UTP20: variants seen among roughly 807,000 people sequenced by gnomAD.
The protein encoded by UTP20 is small subunit processome component 20 homolog.
A neutral mutation model predicts 329.5 loss-of-function variants in UTP20; 164 were observed. The observed-to-expected ratio is 0.50, with a 90% CI of 0.44 to 0.57. The LOEUF is 0.57. Ranked by LOEUF, UTP20 falls within the 20% of genes least tolerant of loss-of-function variation. The probability of loss-of-function intolerance (pLI) is 0.00; values close to 1 mark genes in which losing one functional copy is unlikely to be tolerated. For missense variants in UTP20, 3,055 were observed against 3,284.2 expected (o/e 0.93, Z 1.71); for synonymous variants, 1,151 against 1,159.3 (o/e 0.99, Z 0.14).
intron 31 of UTP20, among the ~76,000 whole-genome samples, 190 bp downstream of exon 31, chr12:101,339,147 T>C (rs913219319): frequency 6.6e-6 from 1 of 152,082 alleles, no homozygotes; most frequent in African/African-American, 2.4e-5. Context: ...ACCCCGTCTC[T>C]ACTAAAAATA....
chr12:101,383,401 A>G, intron 59 of UTP20, 88 bp downstream of exon 59: 1 of 1,493,000 alleles, frequency 6.7e-7, no homozygotes, highest in Admixed American at 2.1e-5. Context: ...AAGTCCCTAG[A>G]AACTTTATCT....
chr12:101,340,735 T>A, intron 32 of UTP20, 125 bp downstream of exon 32: 1 of 638,846 alleles, frequency 1.6e-6, no homozygotes, highest in Non-Finnish European at 2.7e-6. Flanking sequence ...TTAAAATACT[T>A]TATATAGAAA....
At chr12:101,287,345 T>C (rs1268364988) in intron 5 of UTP20, among the ~76,000 whole-genome samples, 1 of 152,258 alleles carries the variant, frequency 6.6e-6, no homozygotes, top group Non-Finnish European at 1.5e-5. Context: ...GAAACCAATA[T>C]TATTTCATTA....
At chr12:101,320,764 T>C in intron 23 of UTP20, 88 bp from the exon 24 acceptor site, 2 of 1,180,358 alleles carry the variant, frequency 1.7e-6, no homozygotes, top group South Asian at 1.9e-5. Flanking sequence ...ATTTTTCAAA[T>C]CTCATTTAGC....
At chr12:101,287,107 C>A (rs757198551) in intron 5 of UTP20, among the ~76,000 whole-genome samples, 2 of 152,170 alleles carry the variant, frequency 1.3e-5, no homozygotes, top group East Asian at 3.9e-4. Flanking sequence ...CTTGGTCTTC[C>A]GGTTGTTTTC....
At chr12:101,321,280 G>A (rs1318291466) in intron 24 of UTP20, among the ~76,000 whole-genome samples, 1 of 152,098 alleles carries the variant, frequency 6.6e-6, no homozygotes, top group Non-Finnish European at 1.5e-5. Context: ...TTAAACAGCT[G>A]AGTTATGGAC....
At chr12:101,329,473 C>T (rs1226000322) in intron 27 of UTP20, 24 bp downstream of exon 27, 1 of 1,592,616 alleles carries the variant, frequency 6.3e-7, no homozygotes, top group African/African-American at 1.3e-5. Flanking sequence ...TAGATGCTTT[C>T]AAGTCAAGTG....
chr12:101,356,512 C>G (rs771767606), intron 41 of UTP20, 42 bp from the exon 42 acceptor site: 1 of 1,534,652 alleles, frequency 6.5e-7, no homozygotes, highest in Non-Finnish European at 8.9e-7. Flanking sequence ...GATCACTGAT[C>G]CATTTATTTT....
intron 5 of UTP20, among the ~76,000 whole-genome samples, chr12:101,286,798 A>G (rs1871975166): frequency 6.6e-6 from 1 of 152,092 alleles, no homozygotes; most frequent in Admixed American, 6.6e-5. Context: ...TGTACTCTCT[A>G]TCCTCTTGGC....
At chr12:101,367,807 CT>C in intron 47 of UTP20, 52 bp from the exon 48 acceptor site, 2 of 1,081,514 alleles carry the variant, frequency 1.8e-6, no homozygotes, top group Non-Finnish European at 2.8e-6. Context: ...ATTTACCTAA[CT>C]CATCTGGTCT....
intron 35 of UTP20, among the ~76,000 whole-genome samples, chr12:101,344,083 G>A (rs981711599): frequency 5.3e-5 from 8 of 152,034 alleles, no homozygotes; most frequent in Admixed American, 2.6e-4. Context: ...TAAGGATTAC[G>A]TAATATATGA....
intron 17 of UTP20, among the ~76,000 whole-genome samples, chr12:101,307,298 C>CAT (rs1872666839): frequency 8.9e-6 from 1 of 112,164 alleles, no homozygotes; most frequent in African/African-American, 4.6e-5. Flanking sequence ...TTTGAATACA[C>CAT]ACACACACAC....
chr12:101,310,104 A>G lies in UTP20; in HGVS notation c.2231+265A>G, dbSNP rs78160008. 1.6e-3 allele frequency among the ~76,000 whole-genome samples: 239 copies of G among 152,172 alleles called. 5 individuals carry two copies. The East Asian group carries it at 0.044, about 28-fold the overall frequency. On this transcript the variant is annotated intron_variant, in intron 19 of 61. Transcript: ENST00000261637. ...GAAGGAGTTTCTCTTTTTGCTTTTT[A>G]TGATACTTTTGTGTTATTAAAATTT... is the stretch of plus-strand genomic sequence containing the variant.
In UTP20 at chr12:101,371,073, A is replaced by C. The variant is rs759771736; in HGVS notation, c.6703A>C (p.Lys2235Gln). The change falls in exon 51 of 62, where the codon AAG becomes CAG. Residue 2235 changes from lysine to glutamine, a missense_variant. Around this residue, in one of 3 missense-constraint regions of UTP20, gnomAD observed 273 missense variants for 363.1 expected, o/e 0.75. Coordinates refer to ENST00000261637, the MANE Select transcript of UTP20 (RefSeq NM_014503.3). ...FGLLKAILSRKLLVPEIDEVM... is the reference protein window; with the variant it reads ...FGLLKAILSRQLLVPEIDEVM... ...TGTATCTTAGGCAATTTTATCAAGAAAGCTGTTGGTCCCAGAAATCGATGA... is the reference window on the plus strand; with the variant it reads ...TGTATCTTAGGCAATTTTATCAAGACAGCTGTTGGTCCCAGAAATCGATGA... The C allele has an allele frequency of 2.5e-6, 4 of 1,613,840 alleles. No homozygotes were observed. The East Asian group carries it at 8.9e-5, about 36-fold the overall frequency.
intron 10 of UTP20, among the ~76,000 whole-genome samples, chr12:101,292,524 T>C (rs555637397): frequency 4.1e-4 from 63 of 152,312 alleles, no homozygotes; most frequent in African/African-American, 1.4e-3. Context: ...TATTGAATTA[T>C]AACTATTAAT....
chr12:101,375,643 A>G lies in UTP20; in HGVS notation c.7283A>G (p.Glu2428Gly), dbSNP rs1464178766. Residue 2428 changes from glutamate to glycine, a missense_variant, in exon 56 of 62, where the codon GAA becomes GGA. Glu to Gly is a moderately conservative substitution (Grantham distance 98). This residue lies in a region of UTP20 where 273 missense variants were observed against 363.1 expected (regional missense o/e 0.75). Transcript: ENST00000261637. ...TTTTAGATCATGGAAGAAACTGAAG[A>G]AAAAGCTGCAGATCGCCTTCTGTTT... is the stretch of plus-strand genomic sequence containing the variant. ...NFKDIMEETE[E>G]KAADRLLFSF... 4 of 1,611,262 alleles carry G rather than the reference A, an allele frequency of 2.5e-6. No homozygotes were observed. In the African/African-American group the frequency reaches 5.3e-5, roughly 22 times the overall value.
At chr12:101,344,543 A>G (rs1003447715) in intron 35 of UTP20, 52 bp from the exon 36 acceptor site, 18 of 841,970 alleles carry the variant, frequency 2.1e-5, no homozygotes, top group Admixed American at 3.6e-5. Context: ...GTAATATTCC[A>G]TATTGTAGTT....
chr12:101,355,471 G>C (rs949879408), intron 41 of UTP20, among the ~76,000 whole-genome samples: 2 of 152,102 alleles, frequency 1.3e-5, no homozygotes, highest in Non-Finnish European at 2.9e-5. Context: ...ATCTTTCCTA[G>C]TTAACAGGGA....
At chr12:101,343,239 T>C (rs1486092982) in intron 35 of UTP20, 146 bp downstream of exon 35, 10 of 548,006 alleles carry the variant, frequency 1.8e-5, no homozygotes, top group Non-Finnish European at 3.1e-5. Flanking sequence ...AAGAATCTTA[T>C]GTCTGGCAAA....
Sources: gnomAD v4.1 joint callset for allele counts (sites outside exome capture counted in the v4.1 genomes callset) on GRCh38, gnomAD v4.1.1 for gene constraint, gnomAD v4.1.1 regional missense constraint, MANE v1.5 for transcripts, NCBI Gene and HGNC (gene_info 2026-07-23, HGNC 2026-07-21) for gene names.